The following KCNMA1 variants were observed in gnomAD, a reference collection of about 807,000 sequenced individuals.
KCNMA1 encodes Calcium-activated potassium channel subunit alpha-1.
Under a neutral mutation model 140.0 loss-of-function variants are expected in KCNMA1, and 29 were observed. The observed-to-expected ratio is 0.21, with a 90% CI of 0.15 to 0.28. The LOEUF is 0.28. KCNMA1 is among the 10% of genes least tolerant of loss of function. The probability of loss-of-function intolerance (pLI) is 1.00; values close to 1 mark genes in which losing one functional copy is unlikely to be tolerated. For missense variants in KCNMA1, 880 were observed against 1,602.2 expected (o/e 0.55, Z 7.70); for synonymous variants, 612 against 611.9 (o/e 1.00, Z 0.00).
intron 2 of KCNMA1, among the ~76,000 whole-genome samples, chr10:77,321,330 A>G (rs2082276549): frequency 6.6e-6 from 1 of 152,212 alleles, no homozygotes; most frequent in Non-Finnish European, 1.5e-5. Context: ...TTCTCAAGTA[A>G]GCGACTTCTG....
intron 1 of KCNMA1, among the ~76,000 whole-genome samples, chr10:77,463,018 GGT>G (rs2097908145): frequency 6.6e-6 from 1 of 152,154 alleles, no homozygotes; most frequent in Non-Finnish European, 1.5e-5. Flanking sequence ...GTCCTCCTGG[GGT>G]GGGGAGAAGG....
chr10:77,490,549 T>C (rs1191225786), intron 1 of KCNMA1, among the ~76,000 whole-genome samples: 1 of 152,244 alleles, frequency 6.6e-6, no homozygotes, highest in African/African-American at 2.4e-5. Flanking sequence ...CTACTAACGA[T>C]AGAGTGTGTA....
chr10:77,621,243 G>A lies in KCNMA1; in HGVS notation c.378+16022C>T, dbSNP rs116557247. On this transcript the variant is annotated intron_variant, in intron 1 of 27. Transcript: ENST00000286628. ...TTAACCACTACCTTCTTCTGAGTGT[G>A]CAGATTAAATTCTCTGTCGCACCAA... Among the ~76,000 whole-genome samples the A allele has an allele frequency of 3.9e-3, 594 of 152,318 alleles. 9 individuals carry two copies. Among genetic ancestry groups the A allele is most frequent in the African/African-American group, 0.014 (572 of 41,568 alleles).
rs35119991 is a variant in KCNMA1 at position 77,108,407 on chromosome 10, CAAAAA to C, written c.1223+69_1223+73del. ...ATGCATGAAACAAAGAAACAAGAGCCAAAAAAAAAAAAAAATGGCATGCAGAGAGG... is the reference window on the plus strand; with the variant it reads ...ATGCATGAAACAAAGAAACAAGAGCCAAAAAAAAAATGGCATGCAGAGAGG... On this transcript the variant is annotated intron_variant, in intron 9 of 27. Transcript: ENST00000286628. The surrounding 1 kb of genome is among the most constrained non-coding windows in gnomAD (Gnocchi z 4.6). 344 of 1,395,692 alleles carry C rather than the reference CAAAAA, an allele frequency of 2.5e-4. No individual in the cohort carries two copies. The highest frequency in any genetic ancestry group is 3.0e-4 in the Admixed American group (16 of 54,084). The allele number at this position is 1,395,692 out of a possible 1,614,324, so 86.5% of individuals were successfully genotyped here. A position where few individuals can be genotyped will look rare whatever the true frequency, so the allele number is the denominator to read the frequency against.
At chr10:77,177,379 C>A (rs573926227) in intron 5 of KCNMA1, among the ~76,000 whole-genome samples, 1 of 144,462 alleles carries the variant, frequency 6.9e-6, no homozygotes, top group Non-Finnish European at 1.5e-5. Context: ...TTCTTCCTTC[C>A]TTCACTTTCT....
chr10:77,151,607 C>A (rs757473106), intron 5 of KCNMA1, among the ~76,000 whole-genome samples: 12 of 152,284 alleles, frequency 7.9e-5, no homozygotes, highest in South Asian at 4.1e-4. Flanking sequence ...CTCCTGTAAG[C>A]TTCTTATGCA....
intron 3 of KCNMA1, among the ~76,000 whole-genome samples, chr10:77,206,079 G>A (rs2044013236): frequency 6.6e-6 from 1 of 152,008 alleles, no homozygotes; most frequent in South Asian, 2.1e-4. Flanking sequence ...CCATTGAGTG[G>A]GTCCATTTGC....
intron 1 of KCNMA1, among the ~76,000 whole-genome samples, chr10:77,463,739 C>T (rs2097921767): frequency 1.3e-5 from 2 of 152,032 alleles, no homozygotes; most frequent in South Asian, 2.1e-4. Flanking sequence ...CTGAGCAAGA[C>T]GGAACCAGAG....
chr10:77,325,426 C>A (rs1222633683), intron 2 of KCNMA1, among the ~76,000 whole-genome samples: 1 of 152,172 alleles, frequency 6.6e-6, no homozygotes. Flanking sequence ...CTGGGACAGC[C>A]TCAAGCTCTG....
At position 77,184,913 on chromosome 10, in the gene KCNMA1, T is replaced by G; in HGVS notation, c.606A>C (p.Pro202=). 6.3e-7 allele frequency: 1 copy of G among 1,596,230 alleles called. No individual in the cohort carries two copies. The highest frequency in any genetic ancestry group is 8.6e-7 in the Non-Finnish European group (1 of 1,163,818). The change falls in exon 4 of 28, where the codon CCA becomes CCC. Residue 202 remains proline (P), a synonymous_variant. Transcript: ENST00000286628. ...LVIYFIDSSN[P]IESCQNFYKD... ...TGTAGAAATTCTGGCAGGATTCTAT[T>G]GGGCTATTAGACAGGAAGAAGAAAA... is the stretch of plus-strand genomic sequence containing the variant.
chr10:77,423,017 T>C (rs1283232904), intron 1 of KCNMA1, among the ~76,000 whole-genome samples: 1 of 152,242 alleles, frequency 6.6e-6, no homozygotes, highest in East Asian at 1.9e-4. Flanking sequence ...AAGGCCTTAT[T>C]CTTGGTAGGT....
chr10:77,487,541 C>T (rs1258301956), intron 1 of KCNMA1, among the ~76,000 whole-genome samples: 1 of 152,180 alleles, frequency 6.6e-6, no homozygotes, highest in Admixed American at 6.5e-5. Context: ...CCTTACCACA[C>T]CCCCATTGCA....
At chr10:77,572,568 CCATATATATA>C (rs2071878347) in intron 1 of KCNMA1, among the ~76,000 whole-genome samples, 1 of 19,240 alleles carries the variant, frequency 5.2e-5, no homozygotes, top group African/African-American at 2.3e-4. Context: ...AAAAAAAAAT[CCATATATATA>C]TATATATATA....
At chr10:77,495,206 G>A (rs2041431530) in intron 1 of KCNMA1, among the ~76,000 whole-genome samples, 1 of 152,150 alleles carries the variant, frequency 6.6e-6, no homozygotes, top group Non-Finnish European at 1.5e-5. Flanking sequence ...TAATATACTG[G>A]AACAGAGTCC....
At chr10:77,473,045 G>A (rs1415973732) in intron 1 of KCNMA1, among the ~76,000 whole-genome samples, 2 of 152,260 alleles carry the variant, frequency 1.3e-5, no homozygotes, top group East Asian at 1.9e-4. Context: ...GCTGTGGCCT[G>A]CCCTGGGTCA....
Position 77,520,219 on chromosome 10 carries a change from A to G in KCNMA1, c.379-116196T>C, listed in dbSNP as rs201925339. Among the ~76,000 whole-genome samples the G allele has an allele frequency of 2.2e-3, 268 of 119,326 alleles. 2 individuals carry two copies. Among genetic ancestry groups the G allele is most frequent in the East Asian group, 0.012 (41 of 3,482 alleles). The allele number at this position is 119,326 out of a possible 152,430, so 78.3% of individuals were successfully genotyped here. ...GGGTGTGCAGTGTGAGGTCTGGGGT[A>G]TGCAGTGTGAGGGTATGCAGTGTGA... On this transcript the variant is annotated intron_variant, in intron 1 of 27. Coordinates refer to ENST00000286628, the MANE Select transcript of KCNMA1 (RefSeq NM_001161352.2).
intron 1 of KCNMA1, among the ~76,000 whole-genome samples, chr10:77,631,625 C>T (rs2093216454): frequency 6.6e-6 from 1 of 152,200 alleles, no homozygotes; most frequent in Middle Eastern, 3.2e-3. Flanking sequence ...CCAGGCCTCT[C>T]ATGCCCTGAT....
intron 16 of KCNMA1, among the ~76,000 whole-genome samples, chr10:77,024,092 T>C (rs1322527120): frequency 1.3e-5 from 2 of 152,142 alleles, no homozygotes; most frequent in Non-Finnish European, 2.9e-5. Context: ...CTAGAAAGGA[T>C]AATGCTGGAT....
At chr10:77,112,483 G>T in intron 6 of KCNMA1, 41 bp from the exon 7 acceptor site, 2 of 1,520,420 alleles carry the variant, frequency 1.3e-6, no homozygotes, top group Non-Finnish European at 1.8e-6. Flanking sequence ...CGTTACCAAG[G>T]GAAGGCCCTG....
Sources: allele counts gnomAD v4.1 joint callset (sites outside exome capture counted in the v4.1 genomes callset), GRCh38; gene constraint gnomAD v4.1.1; non-coding constraint Gnocchi (gnomAD v3.1); transcripts MANE v1.5; gene names NCBI Gene and HGNC (gene_info 2026-07-23, HGNC 2026-07-21).